HLTF: variants seen among roughly 807,000 people sequenced by gnomAD.
The protein encoded by HLTF is DNA-dependent ATPase/E3 ubiquitin-protein ligase HLTF.
Under a neutral mutation model 129.4 loss-of-function variants are expected in HLTF, and 127 were observed. The ratio of observed to expected loss-of-function variants is 0.98; its 90% CI spans 0.85 to 1.14. HLTF has a LOEUF of 1.14. HLTF is among the 50% of genes most tolerant of loss of function. The pLI, the probability that HLTF is intolerant of heterozygous loss-of-function variation, is 0.00. For missense variants in HLTF, 1,139 were observed against 1,187.1 expected, an observed-to-expected ratio of 0.96 and a Z score of 0.60; for synonymous variants, 332 against 388.8, an observed-to-expected ratio of 0.85 and a Z score of 1.72.
intron 19 of HLTF, chr3:149,041,871 G>A: frequency 1.7e-6 from 1 of 581,452 alleles, no homozygotes; most frequent in South Asian, 2.3e-5. Flanking sequence ...ATACCTCATA[G>A]AGAAGCATCA....
intron 17 of HLTF, among the ~76,000 whole-genome samples, chr3:149,046,592 C>T (rs942907118): frequency 3.3e-5 from 5 of 152,042 alleles, no homozygotes; most frequent in African/African-American, 4.8e-5. Context: ...ACTCCATCAC[C>T]GAATAGTCAA....
Position 149,061,467 on chromosome 3 carries a change from TA to T in HLTF, c.1161-610del, listed in dbSNP as rs1559871366. On this transcript the variant is annotated intron_variant, in intron 10 of 24. Transcript: ENST00000310053. Reference sequence around the variant, plus strand: ...ATAAATTTGAAAAACTAAGTCATTCTAAAAAATTAAAAATTTCAATACCAGG... The same window carrying T: ...ATAAATTTGAAAAACTAAGTCATTCTAAAAATTAAAAATTTCAATACCAGG... 3.3e-5 allele frequency among the ~76,000 whole-genome samples: 5 copies of T among 152,000 alleles called. No homozygotes were observed. The South Asian group carries it at 1.0e-3, about 32-fold the overall frequency.
At chr3:149,050,946 A>C (rs1305377653) in intron 14 of HLTF, among the ~76,000 whole-genome samples, 7 of 152,152 alleles carry the variant, frequency 4.6e-5, no homozygotes, top group Admixed American at 4.6e-4. Context: ...GAAAAAAACC[A>C]GACCTAGAAG....
chr3:149,054,802 A>C (rs1370088580), intron 14 of HLTF, among the ~76,000 whole-genome samples: 1 of 152,220 alleles, frequency 6.6e-6, no homozygotes, highest in African/African-American at 2.4e-5. Flanking sequence ...TAGGCAACTT[A>C]ACCTCTCTGT....
intron 2 of HLTF, among the ~76,000 whole-genome samples, chr3:149,084,445 TAATA>T: frequency 1.3e-5 from 2 of 152,106 alleles, no homozygotes; most frequent in African/African-American, 4.8e-5. Context: ...GTGCTACCCA[TAATA>T]ACCAAACATA....
intron 9 of HLTF, among the ~76,000 whole-genome samples, chr3:149,064,431 G>C (rs1315841974): frequency 6.6e-6 from 1 of 152,132 alleles, no homozygotes. Flanking sequence ...TAGCTTTCTA[G>C]CATTATCTGC....
intron 23 of HLTF, 108 bp from the exon 24 acceptor site, chr3:149,035,106 TTTCTGCCTGA>T (rs1399156592): frequency 1.2e-6 from 1 of 843,766 alleles, no homozygotes; most frequent in Non-Finnish European, 2.0e-6. Context: ...GACTGAAAGT[TTTCTGCCTGA>T]AGTCAGATAC....
intron 8 of HLTF, among the ~76,000 whole-genome samples, chr3:149,065,427 T>C (rs1718282207): frequency 6.6e-6 from 1 of 152,182 alleles, no homozygotes; most frequent in Non-Finnish European, 1.5e-5. Context: ...TGTACATGAA[T>C]TGAAAACAAT....
In HLTF at chr3:149,031,942, T is replaced by C. The variant is rs1281568000; in HGVS notation, c.*278A>G. 1 of 204,938 alleles carries C rather than the reference T, an allele frequency of 4.9e-6. No individual in the cohort carries two copies. The highest frequency in any genetic ancestry group is 9.6e-6 in the Non-Finnish European group (1 of 103,964). The allele number at this position is 204,938 out of a possible 1,614,324, so 12.7% of individuals were successfully genotyped here. On this transcript the variant is annotated 3_prime_UTR_variant, in exon 25 of 25. Transcript: ENST00000310053. ...TGAGTACTTGGAAGATACGTGAAAA[T>C]ACTCAGCATAGATATTATGAAAAGC...
At position 149,042,900 on chromosome 3, in the gene HLTF, T is replaced by C. The variant is rs564725620; in HGVS notation, c.2073-610A>G. Among the ~76,000 whole-genome samples, 6 of 152,206 alleles carry C rather than the reference T, an allele frequency of 3.9e-5. No homozygotes were observed. In the South Asian group the frequency reaches 6.2e-4, roughly 16 times the overall value. On this transcript the variant is annotated intron_variant, in intron 18 of 24. Transcript: ENST00000310053. Reference sequence around the variant, plus strand: ...ACATGATTGTGACCTTTCCCTTTTGTATATCTGGACTAGCAAATAGCTAGT... The same window carrying C: ...ACATGATTGTGACCTTTCCCTTTTGCATATCTGGACTAGCAAATAGCTAGT...
chr3:149,062,211 A>G (rs1718010087), intron 10 of HLTF, among the ~76,000 whole-genome samples: 1 of 152,244 alleles, frequency 6.6e-6, no homozygotes, highest in African/African-American at 2.4e-5. Context: ...CATAACTATT[A>G]GCTATAACAT....
rs541560488 is a variant in HLTF at position 149,058,526 on chromosome 3, T to C, written c.1375+1192A>G. On this transcript the variant is annotated intron_variant, in intron 13 of 24. Transcript: ENST00000310053. Reference sequence around the variant, plus strand: ...TTGTTTGGAAAGTTCTTACATAGTCTAGAATTGAACCTTTTGTCAGTTACA... The same window carrying C: ...TTGTTTGGAAAGTTCTTACATAGTCCAGAATTGAACCTTTTGTCAGTTACA... Among the ~76,000 whole-genome samples, 5 of 152,374 alleles carry C rather than the reference T, an allele frequency of 3.3e-5. No homozygotes were observed. The South Asian group carries it at 1.0e-3, about 32-fold the overall frequency.
chr3:149,051,340 G>A (rs376167663), intron 14 of HLTF, among the ~76,000 whole-genome samples: 1 of 151,944 alleles, frequency 6.6e-6, no homozygotes, highest in South Asian at 2.1e-4. Context: ...AACTGAAGAC[G>A]TATACTAGGA....
At chr3:149,067,096 T>G (rs1376033562) in intron 8 of HLTF, among the ~76,000 whole-genome samples, 1 of 151,996 alleles carries the variant, frequency 6.6e-6, no homozygotes, top group Non-Finnish European at 1.5e-5. Context: ...ACTGTTCCTC[T>G]CTAGTAACAT....
At position 149,039,642 on chromosome 3, in the gene HLTF, T is replaced by A. The variant is rs754965743; in HGVS notation, c.2554A>T (p.Ile852Leu). Residue 852 changes from isoleucine to leucine, a missense_variant, in exon 22 of 25, where the codon ATA (isoleucine) becomes TTA (leucine). Physicochemically the swap from Ile to Leu is conservative, Grantham distance 5. Transcript: ENST00000310053. Reference protein sequence around the residue: ...LTDLRKKNPNIKSLVVSQFTT... With the variant: ...LTDLRKKNPNLKSLVVSQFTT... ...AACTGAGAAACAACCAAACTTTTTATGTTGGGATTCTTCTTTCTTAAGTCA... is the reference window on the plus strand; with the variant it reads ...AACTGAGAAACAACCAAACTTTTTAAGTTGGGATTCTTCTTTCTTAAGTCA... 1 of 1,608,556 alleles carries A rather than the reference T, an allele frequency of 6.2e-7. No individual in the cohort carries two copies. The highest frequency in any genetic ancestry group is 8.5e-7 in the Non-Finnish European group (1 of 1,177,464).
chr3:149,061,094 G>A (rs1717902881), intron 10 of HLTF, among the ~76,000 whole-genome samples: 1 of 151,966 alleles, frequency 6.6e-6, no homozygotes, highest in African/African-American at 2.4e-5. Context: ...TTTTGAGACA[G>A]GGTCTCACTC....
chr3:149,037,920 G>T (rs1381582453), intron 23 of HLTF, among the ~76,000 whole-genome samples: 3 of 152,128 alleles, frequency 2.0e-5, no homozygotes, highest in Non-Finnish European at 4.4e-5. Flanking sequence ...CACACAGCTT[G>T]GTGAGTAAAG....
chr3:149,062,083 C>T (rs530498875), intron 10 of HLTF, among the ~76,000 whole-genome samples: 22 of 152,178 alleles, frequency 1.4e-4, no homozygotes, highest in African/African-American at 4.6e-4. Context: ...AAGTAAATTA[C>T]CTAATATTCT....
At chr3:149,034,653 G>A (rs900471627) in intron 24 of HLTF, among the ~76,000 whole-genome samples, 7 of 152,104 alleles carry the variant, frequency 4.6e-5, no homozygotes, top group Non-Finnish European at 8.8e-5. Context: ...AGTTTTAAGG[G>A]AAACAAATAT....
Sources: allele counts gnomAD v4.1 joint callset (sites outside exome capture counted in the v4.1 genomes callset), GRCh38; gene constraint gnomAD v4.1.1; transcripts MANE v1.5; gene names NCBI Gene and HGNC (gene_info 2026-07-23, HGNC 2026-07-21).